KIFBP: variants seen among roughly 807,000 people sequenced by gnomAD.
The protein encoded by KIFBP is KIF-binding protein.
A neutral mutation model predicts 58.9 loss-of-function variants in KIFBP; 46 were observed. The observed-to-expected ratio is 0.78, with a 90% CI of 0.62 to 1.00. The LOEUF (loss-of-function observed/expected upper bound fraction) is 1.00. Among genes scored for constraint, KIFBP ranks in the 50% least tolerant of loss-of-function variants. The pLI is 0.00. For missense variants in KIFBP, 651 were observed against 752.9 expected (o/e 0.86, Z 1.58); for synonymous variants, 241 against 283.4 (o/e 0.85, Z 1.50).
chr10:68,991,984 C>G (rs1259574523), intron 1 of KIFBP, among the ~76,000 whole-genome samples: 2 of 143,372 alleles, frequency 1.4e-5, no homozygotes, highest in African/African-American at 5.1e-5. Context: ...TTTTTTTTTG[C>G]TTGTTTTTTA....
At chr10:69,000,880 T>C (rs943895721) in intron 2 of KIFBP, among the ~76,000 whole-genome samples, 6 of 152,208 alleles carry the variant, frequency 3.9e-5, no homozygotes, top group Non-Finnish European at 7.3e-5. Flanking sequence ...AGAACTACTT[T>C]AACAAAACAT....
Position 68,989,216 on chromosome 10 carries a change from C to T in KIFBP, c.384C>T (p.Tyr128=), listed in dbSNP as rs149625214. 1.2e-6 allele frequency: 2 copies of T among 1,613,484 alleles called. No individual in the cohort carries two copies. Among genetic ancestry groups the T allele is most frequent in the African/African-American group, 2.7e-5 (2 of 74,956 alleles). The change falls in exon 1 of 7, where the codon TAC becomes TAT. Residue 128 remains tyrosine (Y), a synonymous_variant. Coordinates refer to ENST00000361983, the MANE Select transcript of KIFBP (RefSeq NM_015634.4). ...AATGCCTGCGGCTGCTGCGCAGGTACCGGCTCTCGCACGACTGCATCTCTC... is the reference window on the plus strand; with the variant it reads ...AATGCCTGCGGCTGCTGCGCAGGTATCGGCTCTCGCACGACTGCATCTCTC... The part of the protein sequence containing the change: ...LVKCLRLLRR[Y]RLSHDCISLC...
In KIFBP at chr10:69,016,141, T is replaced by C. The variant is rs769220890; in HGVS notation, c.1591T>C (p.Phe531Leu). The C allele has an allele frequency of 3.1e-6, 5 of 1,614,198 alleles. No individual in the cohort carries two copies. The highest frequency in any genetic ancestry group is 1.1e-5 in the South Asian group (1 of 91,080). Residue 531 changes from phenylalanine to leucine, a missense_variant, in exon 7 of 7, where the codon TTC becomes CTC. Coordinates refer to ENST00000361983, the MANE Select transcript of KIFBP (RefSeq NM_015634.4). ...CTCCCTGAGAGACCCAAATAAAGTA[T>C]TCCCTGAGCATATAGGGGAAGATGT... ...LDSLRDPNKV[F>L]PEHIGEDVLR...
At chr10:69,001,199 G>A (rs1843461603) in intron 2 of KIFBP, among the ~76,000 whole-genome samples, 1 of 151,760 alleles carries the variant, frequency 6.6e-6, no homozygotes, top group South Asian at 2.1e-4. Context: ...GGTTAAGCAG[G>A]TTAGAAGGAC....
intron 1 of KIFBP, 88 bp from the exon 2 acceptor site, chr10:69,000,336 G>A (rs1254177516): frequency 4.7e-6 from 4 of 854,278 alleles, no homozygotes; most frequent in Non-Finnish European, 8.0e-6. Flanking sequence ...TATTTGGTTG[G>A]TTATAAGTAT....
chr10:69,007,481 G>A (rs1843547796), intron 4 of KIFBP: 1 of 152,206 alleles, frequency 6.6e-6, no homozygotes, highest in Non-Finnish European at 1.5e-5. Flanking sequence ...TGTTCTAGCA[G>A]TGGTTGCTCA....
chr10:68,999,714 G>A (rs1406267565), intron 1 of KIFBP: 1 of 152,878 alleles, frequency 6.5e-6, no homozygotes, highest in Non-Finnish European at 1.5e-5. Context: ...CTTCTCCATA[G>A]GGTGGCTCAC....
chr10:68,997,713 C>G (rs1458682504), intron 1 of KIFBP, among the ~76,000 whole-genome samples: 1 of 151,756 alleles, frequency 6.6e-6, no homozygotes, highest in Admixed American at 6.6e-5. Flanking sequence ...CCACCTTTTC[C>G]TTACTCTTTA....
At chr10:69,014,391 A>G (rs79342115) in intron 6 of KIFBP, among the ~76,000 whole-genome samples, 3,030 of 152,348 alleles carry the variant, frequency 0.02, 38 homozygotes, top group African/African-American at 0.035. Flanking sequence ...GAGCTGAAGC[A>G]ACATGTTTAG....
chr10:68,998,771 A>ATATATTT (rs1357079794), intron 1 of KIFBP, among the ~76,000 whole-genome samples: 22 of 99,864 alleles, frequency 2.2e-4, no homozygotes, highest in Non-Finnish European at 3.5e-4. Context: ...ATATATATAT[A>ATATATTT]TTTTTTTTTT....
At chr10:68,996,906 G>GT (rs1843413417) in intron 1 of KIFBP, among the ~76,000 whole-genome samples, 1 of 151,940 alleles carries the variant, frequency 6.6e-6, no homozygotes, top group African/African-American at 2.4e-5. Flanking sequence ...GCTCATGCCT[G>GT]TAATCCCAAG....
chr10:69,009,093 G>A (rs376198976), intron 5 of KIFBP, among the ~76,000 whole-genome samples, 168 bp downstream of exon 5: 2 of 151,988 alleles, frequency 1.3e-5, no homozygotes, highest in African/African-American at 4.8e-5. Flanking sequence ...TTTTCTCTCT[G>A]AACCATTGGA....
chr10:69,010,617 A>G (rs1401261644), intron 5 of KIFBP, among the ~76,000 whole-genome samples: 1 of 152,240 alleles, frequency 6.6e-6, no homozygotes, highest in Non-Finnish European at 1.5e-5. Flanking sequence ...TAGAATATCT[A>G]TTTAATTGTA....
At chr10:69,000,044 CAAAA>C (rs766080138) in intron 1 of KIFBP, among the ~76,000 whole-genome samples, 182 of 50,666 alleles carry the variant, frequency 3.6e-3, no homozygotes, top group Non-Finnish European at 6.1e-3. Context: ...GACTCCGTCT[CAAAA>C]AAAAAAAAAA....
At chr10:68,995,240 A>C (rs532927372) in intron 1 of KIFBP, 1 of 152,142 alleles carries the variant, frequency 6.6e-6, no homozygotes, top group Non-Finnish European at 1.5e-5. Context: ...GCCTCAAGTG[A>C]TTCGCCTGCG....
At chr10:69,011,683 CTTTTTTTTTTTTTTTTT>C (rs34786287) in intron 6 of KIFBP, among the ~76,000 whole-genome samples, 1 of 42,512 alleles carries the variant, frequency 2.4e-5, no homozygotes, top group African/African-American at 1.0e-4. Context: ...TGTGCCTAAT[CTTTTTTTTTTTTTTTTT>C]TTTTTTTTTT....
chr10:68,991,972 T>G (rs568784248), intron 1 of KIFBP, among the ~76,000 whole-genome samples: 1 of 114,306 alleles, frequency 8.7e-6, no homozygotes, highest in African/African-American at 2.7e-5. Context: ...TTTATGTGGG[T>G]TTTTTTTTTT....
chr10:69,015,037 C>G (rs948724057), intron 6 of KIFBP, among the ~76,000 whole-genome samples: 12 of 152,112 alleles, frequency 7.9e-5, no homozygotes, highest in African/African-American at 2.9e-4. Flanking sequence ...ATTCTCCTGC[C>G]TCAGCCTCTC....
intron 5 of KIFBP, 107 bp from the exon 6 acceptor site, chr10:69,010,793 A>C: frequency 2.6e-6 from 2 of 755,452 alleles, no homozygotes; most frequent in Non-Finnish European, 4.6e-6. Context: ...TTCAGTAAAG[A>C]TCTGTTACTT....
Sources: gnomAD v4.1 joint callset for allele counts (sites outside exome capture counted in the v4.1 genomes callset) on GRCh38, gnomAD v4.1.1 for gene constraint, MANE v1.5 for transcripts, NCBI Gene and HGNC (gene_info 2026-07-23, HGNC 2026-07-21) for gene names.